Variants in SEMA7A observed in about 807,000 individuals in gnomAD.
The protein encoded by SEMA7A is semaphorin-7A.
In SEMA7A, 21 loss-of-function variants were observed where a neutral mutation model predicts 67.5. The ratio of observed to expected loss-of-function variants is 0.31; its 90% CI spans 0.22 to 0.45. SEMA7A has a LOEUF of 0.45. Ranked by LOEUF, SEMA7A falls within the 20% of genes least tolerant of loss-of-function variation. The pLI is 1.00. For synonymous variants in SEMA7A, 364 were observed against 368.5 expected, an observed-to-expected ratio of 0.99 and a Z score of 0.14; for missense variants, 774 against 908.6, an observed-to-expected ratio of 0.85 and a Z score of 1.90.
chr15:74,410,682 G>A lies in SEMA7A; in HGVS notation c.1943C>T (p.Ala648Val), dbSNP rs754484355. 1 of 1,610,768 alleles carries A rather than the reference G, an allele frequency of 6.2e-7. No individual in the cohort carries two copies. The highest frequency in any genetic ancestry group is 1.1e-5 in the South Asian group (1 of 90,930). Residue 648 changes from alanine to valine, a missense_variant, in exon 14 of 14, where the codon GCC becomes GTC. Physicochemically the swap from Ala to Val is moderately conservative, Grantham distance 64 (BLOSUM62 0). Around this residue, in one of 2 missense-constraint regions of SEMA7A, gnomAD observed 427 missense variants for 555.4 expected, o/e 0.77. Transcript: ENST00000261918. The surrounding 1 kb of genome is among the most constrained non-coding windows in gnomAD (Gnocchi z 7.5). ...CAGCACCCCCAGCCAGAGGGAGGCG[G>A]CCAGGGCACAGGCATGACCCAGCAG... ...EHLLGHACAL[A>V]ASLWLGVLPT...
Position 74,417,615 on chromosome 15 carries a change from C to T in SEMA7A, c.526G>A (p.Glu176Lys), listed in dbSNP as rs759619677. The stretch of plus-strand genomic sequence containing the variant: ...CCTTCAAACAGAACCAGGGAGTTCT[C>T]GTCCGGGCTGAAGGGGGCGTAGCCT... ...MRGYAPFSPD[E>K]NSLVLFEGDE... The change falls in exon 5 of 14, where the codon GAG (glutamate) becomes AAG (lysine). Residue 176 changes from glutamate to lysine, a missense_variant. Physicochemically the swap from Glu to Lys is moderately conservative, Grantham distance 56 (BLOSUM62 1). Coordinates refer to ENST00000261918, the MANE Select transcript of SEMA7A (RefSeq NM_003612.5). The T allele has an allele frequency of 9.9e-6, 16 of 1,612,754 alleles. No individual in the cohort carries two copies. The highest frequency in any genetic ancestry group is 7.7e-5 in the South Asian group (7 of 91,020).
chr15:74,418,918 C>A lies in SEMA7A; in HGVS notation c.213G>T (p.Gln71His). The A allele has an allele frequency of 1.2e-6, 2 of 1,613,784 alleles. No homozygotes were observed. The highest frequency in any genetic ancestry group is 1.7e-6 in the Non-Finnish European group (2 of 1,180,020). ...HVGQDRVDFG[Q>H]TEPHTVLFHE... ...GGAAAAGCACCGTGTGCGGCTCAGT[C>A]TGGCCAAAGTCCACCCGGTCCTGCC... The change falls in exon 2 of 14, where the codon CAG (glutamine) becomes CAT (histidine). Residue 71 changes from glutamine to histidine, a missense_variant. Transcript: ENST00000261918.
At chr15:74,413,137 C>CT (rs1486770752) in intron 10 of SEMA7A, among the ~76,000 whole-genome samples, 2 of 151,610 alleles carry the variant, frequency 1.3e-5, no homozygotes, top group East Asian at 1.9e-4. Context: ...TCTGTGGACT[C>CT]TGAGATGTGG....
chr15:74,431,231 C>T (rs2061085995), intron 1 of SEMA7A, among the ~76,000 whole-genome samples: 1 of 152,196 alleles, frequency 6.6e-6, no homozygotes, highest in Non-Finnish European at 1.5e-5. Context: ...TCCCTACAGC[C>T]TTTCTTGCTC....
At chr15:74,418,680 T>C in intron 2 of SEMA7A, 121 bp downstream of exon 2, 2 of 1,075,886 alleles carry the variant, frequency 1.9e-6, no homozygotes, top group South Asian at 3.0e-5. Context: ...ATTTATAGGA[T>C]ACGGAGGTGG....
intron 1 of SEMA7A, among the ~76,000 whole-genome samples, chr15:74,428,553 G>C (rs951802844): frequency 2.6e-5 from 4 of 152,246 alleles, no homozygotes; most frequent in Non-Finnish European, 5.9e-5. Context: ...TTCCTCAGAG[G>C]AACTGAGAAA....
chr15:74,411,567 G>A lies in SEMA7A; in HGVS notation c.1566C>T (p.Tyr522=), dbSNP rs1443924191. ...GWDQGRCISI[Y]SSERSVLQSI... Reference sequence around the variant, plus strand: ...CCCGGCCAACGTACCGTTCGGAGCTGTAGATGGAGATGCAGCGGCCTTGGT... The same window carrying A: ...CCCGGCCAACGTACCGTTCGGAGCTATAGATGGAGATGCAGCGGCCTTGGT... The change falls in exon 12 of 14, where the codon TAC becomes TAT. Residue 522 remains tyrosine, a synonymous_variant. Transcript: ENST00000261918. The surrounding 1 kb of genome is among the most constrained non-coding windows in gnomAD (Gnocchi z 4.4). The A allele has an allele frequency of 6.3e-7, 1 of 1,575,442 alleles. No individual in the cohort carries two copies. The highest frequency in any genetic ancestry group is 8.6e-7 in the Non-Finnish European group (1 of 1,159,496).
At chr15:74,419,980 C>G (rs992390652) in intron 1 of SEMA7A, among the ~76,000 whole-genome samples, 2 of 152,184 alleles carry the variant, frequency 1.3e-5, no homozygotes, top group African/African-American at 4.8e-5. Context: ...CCCCAGCAAT[C>G]AGCCACACCC....
At chr15:74,427,467 T>A (rs2061052729) in intron 1 of SEMA7A, 1 of 802,848 alleles carries the variant, frequency 1.2e-6, no homozygotes, top group Admixed American at 6.2e-5. Context: ...TAGCTGGGAT[T>A]ACAGGCGTGT....
At chr15:74,419,322 G>T (rs2060979763) in intron 1 of SEMA7A, among the ~76,000 whole-genome samples, 1 of 152,160 alleles carries the variant, frequency 6.6e-6, no homozygotes, top group South Asian at 2.1e-4. Flanking sequence ...AGGAGGACCA[G>T]GGCTCCTTGG....
chr15:74,430,171 C>T (rs1454163073), intron 1 of SEMA7A, among the ~76,000 whole-genome samples: 2 of 152,144 alleles, frequency 1.3e-5, no homozygotes, highest in Admixed American at 6.5e-5. Flanking sequence ...CCCTTGAGGG[C>T]ACATGCTGAT....
intron 1 of SEMA7A, among the ~76,000 whole-genome samples, chr15:74,432,470 G>C (rs936636119): frequency 1.3e-5 from 2 of 152,152 alleles, no homozygotes; most frequent in African/African-American, 2.4e-5. Context: ...CCCTAACCCA[G>C]AACCTGGACT....
At chr15:74,430,185 C>G (rs2061076358) in intron 1 of SEMA7A, among the ~76,000 whole-genome samples, 1 of 152,118 alleles carries the variant, frequency 6.6e-6, no homozygotes, top group African/African-American at 2.4e-5. Flanking sequence ...TGCTGATGAT[C>G]CATTTCCTCC....
intron 1 of SEMA7A, among the ~76,000 whole-genome samples, chr15:74,420,865 TC>T (rs1864043481): frequency 6.6e-6 from 1 of 152,186 alleles, no homozygotes; most frequent in African/African-American, 2.4e-5. Context: ...AAGGTGCGTG[TC>T]TGCATCTAGA....
chr15:74,421,870 C>A (rs1209253866), intron 1 of SEMA7A, among the ~76,000 whole-genome samples: 3 of 152,176 alleles, frequency 2.0e-5, no homozygotes, highest in Non-Finnish European at 4.4e-5. Context: ...CCAGGGGCTA[C>A]CCCTAAAAAG....
chr15:74,433,765 G>A lies in SEMA7A; in HGVS notation c.154C>T (p.Pro52Ser). Residue 52 changes from proline to serine, a missense_variant, in exon 1 of 14, where the codon CCC becomes TCC. Around this residue, in one of 2 missense-constraint regions of SEMA7A, gnomAD observed 347 missense variants for 353.2 expected, o/e 0.98. Coordinates refer to ENST00000261918, the MANE Select transcript of SEMA7A (RefSeq NM_003612.5). Reference sequence around the variant, plus strand: ...CCTTTCCAGACGGCGAAGATGCGGGGTCCGCTCCTTAGGTGGCCCTGGGCG... The same window carrying A: ...CCTTTCCAGACGGCGAAGATGCGGGATCCGCTCCTTAGGTGGCCCTGGGCG... ...ASAQGHLRSG[P>S]RIFAVWKGHV... is the part of the protein sequence containing the mutation. The A allele has an allele frequency of 6.9e-7, 1 of 1,446,466 alleles. No homozygotes were observed. Among genetic ancestry groups the A allele is most frequent in the Non-Finnish European group, 9.0e-7 (1 of 1,105,264 alleles). 89.6% of individuals were successfully genotyped at this position (1,446,466 alleles called of 1,614,324 possible).
intron 1 of SEMA7A, among the ~76,000 whole-genome samples, chr15:74,430,950 C>T (rs11858456): frequency 0.19 from 28,483 of 152,134 alleles, 5,229 homozygotes; most frequent in African/African-American, 0.48. Flanking sequence ...CAGAACCAGC[C>T]GGGCAGGTTG....
chr15:74,417,660 C>T lies in SEMA7A; in HGVS notation c.481G>A (p.Val161Met), dbSNP rs373950889. Reference sequence around the variant, plus strand: ...TAGCCTCTCATCTCGCCAAGTGGCACCACAGTGCCATTCACCTGTGGGAGA... The same window carrying T: ...TAGCCTCTCATCTCGCCAAGTGGCATCACAGTGCCATTCACCTGTGGGAGA... The part of the protein sequence containing the change: ...SCWNLVNGTV[V>M]PLGEMRGYAP... The change falls in exon 5 of 14, where the codon GTG becomes ATG. Residue 161 changes from valine to methionine, a missense_variant. Val to Met is a conservative substitution (Grantham distance 21, BLOSUM62 1). Coordinates refer to ENST00000261918, the MANE Select transcript of SEMA7A (RefSeq NM_003612.5). The T allele has an allele frequency of 1.1e-5, 17 of 1,611,700 alleles. No homozygotes were observed. The African/African-American group carries it at 1.1e-4, about 10-fold the overall frequency.
Position 74,411,036 on chromosome 15 carries a change from G to A in SEMA7A, c.1640-51C>T, listed in dbSNP as rs750280860. 1 of 1,571,608 alleles carries A rather than the reference G, an allele frequency of 6.4e-7. No homozygotes were observed. Among genetic ancestry groups the A allele is most frequent in the Non-Finnish European group, 8.6e-7 (1 of 1,159,196 alleles). ...GTGAGGAGGGACAAAGAGCTCCCAG[G>A]GGAGGATGTGTCCTCCCCACGGACT... On this transcript the variant is annotated intron_variant, in intron 13 of 13. Transcript: ENST00000261918. This position sits in a 1 kb window ranked among gnomAD's most constrained non-coding sequence, Gnocchi z 4.4.
Sources: allele counts gnomAD v4.1 joint callset (sites outside exome capture counted in the v4.1 genomes callset), GRCh38; gene constraint gnomAD v4.1.1; regional missense constraint gnomAD v4.1.1; non-coding constraint Gnocchi (gnomAD v3.1); transcripts MANE v1.5; gene names NCBI Gene and HGNC (gene_info 2026-07-23, HGNC 2026-07-21).